FANCB: variants seen among roughly 807,000 people sequenced by gnomAD.
The protein encoded by FANCB is FA complementation group B, also known as Fanconi anemia group B protein.
FANCB carries 5 observed loss-of-function variants against 38.9 expected under a neutral mutation model. That is an observed-to-expected ratio of 0.13 (90% CI 0.07 to 0.27). The LOEUF (loss-of-function observed/expected upper bound fraction) is 0.27. Among genes scored for constraint, FANCB ranks in the 10% least tolerant of loss-of-function variants. The pLI, the probability that FANCB is intolerant of heterozygous loss-of-function variation, is 1.00. For missense variants in FANCB, 573 were observed against 602.7 expected (o/e 0.95, Z 0.52); for synonymous variants, 236 against 215.4 (o/e 1.10, Z -0.84).
chrX:14,699,691 G>A, the FANCB span, among the ~76,000 whole-genome samples: 3 of 111,288 alleles, frequency 2.7e-5, no homozygotes, highest in African/African-American at 9.8e-5. Flanking sequence ...CTGTAACATA[G>A]TACCCACTGA....
chrX:14,806,267 T>C, the FANCB span, among the ~76,000 whole-genome samples: 22 of 111,893 alleles, frequency 2.0e-4, no homozygotes, highest in East Asian at 2.3e-3. Flanking sequence ...AAGAGAGACA[T>C]GCATTGAGAA....
the FANCB span, among the ~76,000 whole-genome samples, chrX:14,809,438 G>A: frequency 1.8e-5 from 2 of 112,182 alleles, no homozygotes; most frequent in Non-Finnish European, 3.8e-5. Flanking sequence ...AAAGAAAGGG[G>A]TGACAGATGG....
the FANCB span, among the ~76,000 whole-genome samples, chrX:14,769,995 G>A: frequency 9.0e-6 from 1 of 110,933 alleles, no homozygotes; most frequent in Non-Finnish European, 1.9e-5. Flanking sequence ...AGTATGTTGT[G>A]AACTGAGACT....
the FANCB span, among the ~76,000 whole-genome samples, chrX:14,758,857 T>C: frequency 9.0e-6 from 1 of 111,217 alleles, no homozygotes. Flanking sequence ...TCACCAGCAA[T>C]AGATCTAAAT....
At chrX:14,773,903 T>C in the FANCB span, among the ~76,000 whole-genome samples, 8 of 111,433 alleles carry the variant, frequency 7.2e-5, no homozygotes, top group Admixed American at 6.7e-4. Context: ...TTAATTTGTC[T>C]GGCCTGATAC....
the FANCB span, among the ~76,000 whole-genome samples, chrX:14,713,090 A>G: frequency 8.9e-6 from 1 of 112,208 alleles, no homozygotes; most frequent in African/African-American, 3.2e-5. Context: ...GTGGATATAT[A>G]TAGAGAGAGA....
At chrX:14,722,520 C>A in the FANCB span, among the ~76,000 whole-genome samples, 1 of 111,313 alleles carries the variant, frequency 9.0e-6, no homozygotes, top group South Asian at 3.8e-4. Flanking sequence ...CACTTAGACT[C>A]AAGTGGAGGG....
chrX:14,769,908 T>C, the FANCB span, among the ~76,000 whole-genome samples: 1 of 112,461 alleles, frequency 8.9e-6, no homozygotes, highest in Non-Finnish European at 1.9e-5. Context: ...ATTTCATTGT[T>C]TACCCAAGAG....
the FANCB span, among the ~76,000 whole-genome samples, chrX:14,797,691 AAG>A: frequency 9.7e-5 from 10 of 103,303 alleles, no homozygotes; most frequent in Admixed American, 2.1e-4. Flanking sequence ...AAAAAAAAAA[AAG>A]AGAGAGAGAG....
At chrX:14,862,548 T>C (rs1008662176) in intron 3 of FANCB, among the ~76,000 whole-genome samples, 2 of 111,783 alleles carry the variant, frequency 1.8e-5, no homozygotes, top group African/African-American at 6.5e-5. Context: ...AGAGTGACGA[T>C]TGCAATTAAT....
chrX:14,862,226 G>A (rs2092449701), intron 3 of FANCB: 1 of 111,590 alleles, frequency 9.0e-6, no homozygotes, highest in Admixed American at 9.5e-5. Context: ...AAGTGGCAGG[G>A]TTAGAGGCAA....
intron 6 of FANCB, among the ~76,000 whole-genome samples, chrX:14,851,382 C>G (rs2092400862): frequency 9.0e-6 from 1 of 111,651 alleles, no homozygotes; most frequent in African/African-American, 3.3e-5. Context: ...GTAACTTGCC[C>G]AGGGTCACAC....
the FANCB span, among the ~76,000 whole-genome samples, chrX:14,809,997 C>T: frequency 3.6e-4 from 40 of 111,924 alleles, no homozygotes; most frequent in Admixed American, 1.0e-3. Context: ...TCCAGAGAAA[C>T]GATCAGACAG....
chrX:14,763,401 G>A, the FANCB span, among the ~76,000 whole-genome samples: 5 of 111,808 alleles, frequency 4.5e-5, no homozygotes, highest in Non-Finnish European at 5.6e-5. Flanking sequence ...ACTTAGCATC[G>A]CGGGGGAAAA....
chrX:14,800,301 G>A, the FANCB span, among the ~76,000 whole-genome samples: 1 of 112,042 alleles, frequency 8.9e-6, no homozygotes, highest in East Asian at 2.8e-4. Flanking sequence ...GTTAAACTGA[G>A]AGGGACAGAC....
chrX:14,850,106 T>C (rs1291691601), intron 7 of FANCB, among the ~76,000 whole-genome samples: 1 of 112,230 alleles, frequency 8.9e-6, no homozygotes, highest in Non-Finnish European at 1.9e-5. Flanking sequence ...TCCCAGCATT[T>C]TGGGAGGCCA....
the FANCB span, among the ~76,000 whole-genome samples, chrX:14,830,160 A>G: frequency 4.5e-4 from 51 of 112,097 alleles, no homozygotes; most frequent in African/African-American, 1.7e-3. Flanking sequence ...ATGTTGATCA[A>G]TTAAGTTTGC....
chrX:14,706,337 CAG>C, the FANCB span, among the ~76,000 whole-genome samples: 12 of 111,935 alleles, frequency 1.1e-4, no homozygotes, highest in South Asian at 3.8e-4. Flanking sequence ...GAATATATCG[CAG>C]AGAGTCCACT....
At chrX:14,843,370 T>C (rs1202379771), downstream of FANCB, 8 of 384,751 alleles carry the variant, frequency 2.1e-5, no homozygotes, top group Non-Finnish European at 3.6e-5. Context: ...CAAATGCCCC[T>C]TGGGGTAGAG....
Sources: allele counts gnomAD v4.1 joint callset (sites outside exome capture counted in the v4.1 genomes callset), GRCh38; gene constraint gnomAD v4.1.1; transcripts MANE v1.5; gene names NCBI Gene and HGNC (gene_info 2026-07-23, HGNC 2026-07-21).